Variants in AP4E1 observed in about 807,000 individuals in gnomAD.
AP4E1 encodes AP-4 complex subunit epsilon-1.
AP4E1 carries 56 observed loss-of-function variants against 128.2 expected under a neutral mutation model. The ratio of observed to expected loss-of-function variants is 0.44; its 90% confidence interval spans 0.35 to 0.55. The LOEUF is 0.55. AP4E1 is among the 20% of genes least tolerant of loss of function. AP4E1 has a pLI of 0.00. For missense variants in AP4E1, 1,324 were observed against 1,307.7 expected (o/e 1.01, Z -0.19); for synonymous variants, 484 against 473.1 (o/e 1.02, Z -0.30).
At chr15:50,995,116 T>C (rs1389612676) in intron 17 of AP4E1, among the ~76,000 whole-genome samples, 1 of 152,138 alleles carries the variant, frequency 6.6e-6, no homozygotes, top group Non-Finnish European at 1.5e-5. Flanking sequence ...GCCCCGACCC[T>C]TCCTCTGATA....
chr15:50,928,963 T>C (rs1207199509), intron 5 of AP4E1, 46 bp from the exon 6 acceptor site: 1 of 1,594,168 alleles, frequency 6.3e-7, no homozygotes, highest in Non-Finnish European at 8.6e-7. Context: ...AAGTAAATAC[T>C]TGAGAATTCA....
rs764674581 is a variant in AP4E1 at position 50,923,939 on chromosome 15, G to T, written c.355G>T (p.Ala119Ser). The T allele has an allele frequency of 8.1e-6, 13 of 1,610,948 alleles. No homozygotes were observed. In the Admixed American group the frequency reaches 1.5e-4, roughly 19 times the overall value. Reference sequence around the variant, plus strand: ...TCCCTCAACTTTTATAGGTTATTTGGCTGTTTCCTTATTTCTACATGAAAG... The same window carrying T: ...TCCCTCAACTTTTATAGGTTATTTGTCTGTTTCCTTATTTCTACATGAAAG... The part of the protein sequence containing the change: ...NLLEKRVGYL[A>S]VSLFLHESHE... The change falls in exon 4 of 21, where the codon GCT becomes TCT. Residue 119 changes from alanine to serine, a missense_variant. By Grantham distance (99) the Ala-to-Ser change is moderately conservative. Transcript: ENST00000261842.
Position 50,997,681 on chromosome 15 carries a change from C to T in AP4E1, c.2702C>T (p.Ser901Phe), listed in dbSNP as rs757562999. ...STAASVAKESSLASSFLEETT... is the reference protein window; with the variant it reads ...STAASVAKESFLASSFLEETT... ...GCAGCCTCAGTTGCCAAGGAAAGCT[C>T]TTTAGCTTCATCTTTTTTGGAAGAA... is the stretch of plus-strand genomic sequence containing the variant. Residue 901 changes from serine to phenylalanine, a missense_variant, in exon 18 of 21, where the codon TCT (serine) becomes TTT (phenylalanine). Physicochemically the swap from Ser to Phe is radical, Grantham distance 155. Coordinates refer to ENST00000261842, the MANE Select transcript of AP4E1 (RefSeq NM_007347.5). 62 of 1,613,862 alleles carry T rather than the reference C, an allele frequency of 3.8e-5. No individual in the cohort carries two copies. The highest frequency in any genetic ancestry group is 1.0e-4 in the Admixed American group (6 of 59,990).
At chr15:50,920,207 A>G (rs1483442804) in intron 3 of AP4E1, among the ~76,000 whole-genome samples, 3 of 123,746 alleles carry the variant, frequency 2.4e-5, no homozygotes, top group African/African-American at 9.3e-5. Flanking sequence ...TCTGCCTCCC[A>G]GGTTCACGCC....
intron 10 of AP4E1, 70 bp from the exon 11 acceptor site, chr15:50,947,950 T>C: frequency 8.0e-7 from 1 of 1,255,090 alleles, no homozygotes; most frequent in South Asian, 1.3e-5. Flanking sequence ...GGTCAACCTT[T>C]ATGTTACTGT....
chr15:50,925,302 G>T (rs2063755520), intron 5 of AP4E1, 83 bp downstream of exon 5: 5 of 1,395,708 alleles, frequency 3.6e-6, no homozygotes, highest in South Asian at 2.4e-5. Context: ...TACAACTTCA[G>T]TGCTACCAGG....
intron 10 of AP4E1, among the ~76,000 whole-genome samples, chr15:50,944,013 C>T (rs1362643656): frequency 1.3e-5 from 2 of 152,128 alleles, no homozygotes; most frequent in Non-Finnish European, 2.9e-5. Context: ...TATTGTATTT[C>T]ATAATTATCC....
intron 11 of AP4E1, among the ~76,000 whole-genome samples, 193 bp downstream of exon 11, chr15:50,948,352 T>C: frequency 6.6e-6 from 1 of 151,788 alleles, no homozygotes; most frequent in East Asian, 1.9e-4. Context: ...TTTTTTTTTT[T>C]TTTTTGCTGG....
At chr15:50,916,828 G>C (rs2063636767) in intron 3 of AP4E1, among the ~76,000 whole-genome samples, 1 of 152,042 alleles carries the variant, frequency 6.6e-6, no homozygotes. Context: ...CCTACCATCT[G>C]TTACCTTTTG....
intron 15 of AP4E1, among the ~76,000 whole-genome samples, chr15:50,973,318 A>G (rs1254095543): frequency 6.6e-6 from 1 of 152,250 alleles, no homozygotes; most frequent in Non-Finnish European, 1.5e-5. Flanking sequence ...CCAAAAAGTT[A>G]TGAACATTAT....
intron 14 of AP4E1, among the ~76,000 whole-genome samples, chr15:50,960,857 A>C (rs1445792719): frequency 6.6e-6 from 1 of 152,030 alleles, no homozygotes; most frequent in African/African-American, 2.4e-5. Flanking sequence ...ATTTTGAACA[A>C]TAAACAAAAT....
At chr15:50,998,461 C>G (rs935060702) in intron 18 of AP4E1, among the ~76,000 whole-genome samples, 23 of 152,038 alleles carry the variant, frequency 1.5e-4, no homozygotes, top group African/African-American at 5.6e-4. Context: ...GAAGCCCTGT[C>G]TCTACTAAAA....
At chr15:50,909,697 T>G (rs953963412) in intron 1 of AP4E1, among the ~76,000 whole-genome samples, 7 of 150,618 alleles carry the variant, frequency 4.6e-5, no homozygotes, top group Non-Finnish European at 5.9e-5. Context: ...TTAATTTTTG[T>G]TTTTTTTTGA....
At chr15:50,957,991 C>G (rs1030247689) in intron 13 of AP4E1, among the ~76,000 whole-genome samples, 1 of 151,956 alleles carries the variant, frequency 6.6e-6, no homozygotes, top group South Asian at 2.1e-4. Context: ...TTCTTAAAGT[C>G]TCTTCTGTGG....
chr15:50,927,287 T>G (rs1433010226), intron 5 of AP4E1, among the ~76,000 whole-genome samples: 1 of 152,198 alleles, frequency 6.6e-6, no homozygotes, highest in Admixed American at 6.5e-5. Flanking sequence ...TTTGCAGTTA[T>G]GGCCATACTC....
upstream of AP4E1, chr15:50,908,646 G>A (rs1033919223): frequency 8.5e-7 from 1 of 1,172,986 alleles, no homozygotes; most frequent in Non-Finnish European, 1.1e-6. Flanking sequence ...TTGTTCAGGT[G>A]GGACGCCAAT....
chr15:50,950,598 T>C (rs979990346), intron 13 of AP4E1, among the ~76,000 whole-genome samples: 4 of 152,192 alleles, frequency 2.6e-5, no homozygotes, highest in Non-Finnish European at 5.9e-5. Flanking sequence ...TAACTTCTTT[T>C]CTTCTTCTTT....
chr15:50,989,393 C>G (rs2064773224), intron 16 of AP4E1, among the ~76,000 whole-genome samples: 1 of 151,704 alleles, frequency 6.6e-6, no homozygotes, highest in African/African-American at 2.4e-5. Flanking sequence ...GAAATGGTTA[C>G]AAGTATTTAT....
chr15:50,921,427 A>C (rs2663557), intron 3 of AP4E1, among the ~76,000 whole-genome samples: 120,269 of 151,780 alleles, frequency 0.79, 48,188 homozygotes, highest in African/African-American at 0.9. Flanking sequence ...TGGTTCACTG[A>C]AACCTTTGCC....
Sources: gnomAD v4.1 joint callset for allele counts (sites outside exome capture counted in the v4.1 genomes callset) on GRCh38, gnomAD v4.1.1 for gene constraint, MANE v1.5 for transcripts, NCBI Gene and HGNC (gene_info 2026-07-23, HGNC 2026-07-21) for gene names.